The following ROBO2 variants were observed in gnomAD, a reference collection of about 807,000 sequenced individuals.
The protein encoded by ROBO2 is roundabout homolog 2.
In ROBO2, 53 loss-of-function variants were observed where a neutral mutation model predicts 160.8. That is an observed-to-expected ratio of 0.33 (90% CI 0.26 to 0.41). ROBO2 has a LOEUF of 0.41. ROBO2 is among the 10% of genes least tolerant of loss of function. The pLI, the probability that ROBO2 is intolerant of heterozygous loss-of-function variation, is 1.00. For synonymous variants in ROBO2, 664 were observed against 611.7 expected (o/e 1.09, Z -1.26); for missense variants, 1,577 against 1,722.4 (o/e 0.92, Z 1.49).
intron 2 of ROBO2, among the ~76,000 whole-genome samples, chr3:76,263,795 A>C (rs948291552): frequency 6.6e-6 from 1 of 152,174 alleles, no homozygotes; most frequent in African/African-American, 2.4e-5. Flanking sequence ...CACTATTTAC[A>C]ACAGCAAAGA....
At chr3:76,292,579 T>A (rs1429471653) in intron 2 of ROBO2, among the ~76,000 whole-genome samples, 2 of 152,164 alleles carry the variant, frequency 1.3e-5, no homozygotes, top group African/African-American at 4.8e-5. Context: ...CCTTGGACAA[T>A]GGGGAAAATG....
intron 2 of ROBO2, among the ~76,000 whole-genome samples, chr3:76,320,342 T>C (rs1358591331): frequency 1.3e-5 from 2 of 152,144 alleles, no homozygotes; most frequent in Admixed American, 1.3e-4. Context: ...AAAGATGTAA[T>C]GAGTTCATTC....
intron 2 of ROBO2, among the ~76,000 whole-genome samples, chr3:77,361,553 C>A (rs963277130): frequency 1.3e-5 from 2 of 152,068 alleles, no homozygotes; most frequent in Admixed American, 1.3e-4. Context: ...CCTCCAAGAT[C>A]AAGGTGCCAG....
intron 2 of ROBO2, among the ~76,000 whole-genome samples, chr3:76,796,360 A>C (rs1365952952): frequency 6.6e-6 from 1 of 151,898 alleles, no homozygotes; most frequent in African/African-American, 2.4e-5. Flanking sequence ...ATATATATAC[A>C]AAAATATAAA....
intron 2 of ROBO2, among the ~76,000 whole-genome samples, chr3:77,205,242 A>G (rs1207916221): frequency 6.6e-6 from 1 of 151,992 alleles, no homozygotes; most frequent in Non-Finnish European, 1.5e-5. Context: ...GGCTTGAAGG[A>G]TGAATTTATT....
In ROBO2 at chr3:76,392,234, C is replaced by T. The variant is rs114459049; in HGVS notation, c.109+454632C>T. ...TTGGCTAAATTATTGCAATGACTTTCTATAAAGTAGGATTATTTGGATAAC... is the reference window on the plus strand; with the variant it reads ...TTGGCTAAATTATTGCAATGACTTTTTATAAAGTAGGATTATTTGGATAAC... On this transcript the variant is annotated intron_variant, in intron 2 of 26. Coordinates refer to the ROBO2 transcript ENST00000487694. Among the ~76,000 whole-genome samples the T allele has an allele frequency of 1.3e-3, 191 of 152,200 alleles. 1 individual carries two copies. Among genetic ancestry groups the T allele is most frequent in the African/African-American group, 4.4e-3 (183 of 41,536 alleles).
At chr3:76,542,350 T>C (rs768777437) in intron 2 of ROBO2, among the ~76,000 whole-genome samples, 5 of 152,144 alleles carry the variant, frequency 3.3e-5, no homozygotes, top group Non-Finnish European at 7.4e-5. Flanking sequence ...GGTTTTCCTT[T>C]CTCTATCCGC....
intron 2 of ROBO2, among the ~76,000 whole-genome samples, chr3:76,395,184 G>T (rs554485162): frequency 1.4e-5 from 2 of 148,012 alleles, no homozygotes; most frequent in African/African-American, 2.5e-5. Context: ...ACTCAAAACC[G>T]CTCAACTACA....
rs75095644 is a variant in ROBO2 at position 76,626,321 on chromosome 3, T to A, written c.110-471693T>A. ...TCTGGGGAGTGGTGTGCGGTAGAGATATAAACTGGGAAGTTTCCAGTATAG... is the reference window on the plus strand; with the variant it reads ...TCTGGGGAGTGGTGTGCGGTAGAGAAATAAACTGGGAAGTTTCCAGTATAG... On this transcript the variant is annotated intron_variant, in intron 2 of 26. Transcript: ENST00000487694. 6.2e-4 allele frequency among the ~76,000 whole-genome samples: 95 copies of A among 152,238 alleles called. 1 individual carries two copies. Among genetic ancestry groups the A allele is most frequent in the South Asian group, 6.2e-3 (30 of 4,828 alleles).
At chr3:76,406,787 T>A (rs563278953) in intron 2 of ROBO2, among the ~76,000 whole-genome samples, 11 of 152,098 alleles carry the variant, frequency 7.2e-5, no homozygotes. Flanking sequence ...TTCTCTTTTT[T>A]GTAGGTCCAG....
intron 2 of ROBO2, among the ~76,000 whole-genome samples, chr3:76,297,455 A>G (rs1709130867): frequency 6.6e-6 from 1 of 152,170 alleles, no homozygotes; most frequent in Admixed American, 6.5e-5. Flanking sequence ...GTTAATTGTT[A>G]TCATGTAGAA....
At chr3:77,007,483 C>G (rs534603584) in intron 2 of ROBO2, among the ~76,000 whole-genome samples, 1 of 152,180 alleles carries the variant, frequency 6.6e-6, no homozygotes, top group South Asian at 2.1e-4. Flanking sequence ...TCTTCCTACC[C>G]ATTTTTTTCT....
At chr3:76,686,889 T>C (rs1169914161) in intron 2 of ROBO2, among the ~76,000 whole-genome samples, 3 of 152,238 alleles carry the variant, frequency 2.0e-5, no homozygotes, top group South Asian at 4.1e-4. Context: ...CCCATTTCTG[T>C]TTTGCCCATT....
intron 2 of ROBO2, among the ~76,000 whole-genome samples, chr3:76,807,248 C>A (rs1388308588): frequency 6.6e-6 from 1 of 151,986 alleles, no homozygotes; most frequent in Non-Finnish European, 1.5e-5. Flanking sequence ...TGGAATAGTT[C>A]ATAACAACCT....
intron 2 of ROBO2, among the ~76,000 whole-genome samples, chr3:76,046,372 G>A (rs1417760331): frequency 6.6e-6 from 1 of 151,958 alleles, no homozygotes; most frequent in Admixed American, 6.5e-5. Context: ...CTAACTGGCC[G>A]GGCGCGGTGG....
chr3:77,087,744 G>T (rs2069522250), intron 1 of ROBO2, among the ~76,000 whole-genome samples: 1 of 151,438 alleles, frequency 6.6e-6, no homozygotes. Context: ...ATATATGTGT[G>T]TGTACATATA....
intron 2 of ROBO2, among the ~76,000 whole-genome samples, chr3:76,623,618 G>A (rs1249439475): frequency 6.6e-6 from 1 of 152,100 alleles, no homozygotes; most frequent in East Asian, 1.9e-4. Flanking sequence ...AATTAGATAC[G>A]TCATGCACTG....
chr3:76,763,677 G>A (rs2061431176), intron 2 of ROBO2, among the ~76,000 whole-genome samples: 2 of 151,544 alleles, frequency 1.3e-5, no homozygotes, highest in South Asian at 2.1e-4. Context: ...AAAGCTAACT[G>A]GAACCTCATT....
chr3:77,132,348 G>T (rs908478737), intron 2 of ROBO2, among the ~76,000 whole-genome samples: 1 of 151,774 alleles, frequency 6.6e-6, no homozygotes, highest in Non-Finnish European at 1.5e-5. Flanking sequence ...ATAGACCTCA[G>T]TGGTAAATGT....
Sources: allele counts gnomAD v4.1 joint callset (sites outside exome capture counted in the v4.1 genomes callset), GRCh38; gene constraint gnomAD v4.1.1; transcripts MANE v1.5; gene names NCBI Gene and HGNC (gene_info 2026-07-23, HGNC 2026-07-21).